The following SATB2 variants were observed in gnomAD, a reference collection of about 807,000 sequenced individuals.
SATB2 encodes SATB homeobox 2.
A neutral mutation model predicts 73.4 loss-of-function variants in SATB2; 1 was observed. That is an observed-to-expected ratio of 0.01 (90% CI 0.00 to 0.06). The LOEUF (loss-of-function observed/expected upper bound fraction) is 0.06. Among genes scored for constraint, SATB2 ranks in the 10% least tolerant of loss-of-function variants. The pLI is 1.00. For missense variants in SATB2, 459 were observed against 945.8 expected (o/e 0.49, Z 6.75); for synonymous variants, 397 against 367.0 (o/e 1.08, Z -0.93).
intron 5 of SATB2, among the ~76,000 whole-genome samples, chr2:199,372,815 G>C (rs902102868): frequency 2.6e-5 from 4 of 152,164 alleles, no homozygotes; most frequent in Non-Finnish European, 4.4e-5. Flanking sequence ...CCTTATACAA[G>C]TTAACTAAGA....
chr2:199,331,162 A>C (rs1688177420), intron 7 of SATB2, among the ~76,000 whole-genome samples: 1 of 151,750 alleles, frequency 6.6e-6, no homozygotes, highest in Middle Eastern at 3.2e-3. Flanking sequence ...ATGTTTGTTC[A>C]TTCTCAATCA....
At chr2:199,429,783 G>A (rs1258731820) in intron 3 of SATB2, among the ~76,000 whole-genome samples, 3 of 152,110 alleles carry the variant, frequency 2.0e-5, no homozygotes, top group East Asian at 1.9e-4. Context: ...GGTGGCAGGC[G>A]CCTGTAATCC....
chr2:199,332,441 A>G (rs1181892920), intron 7 of SATB2, among the ~76,000 whole-genome samples: 2 of 152,126 alleles, frequency 1.3e-5, no homozygotes, highest in East Asian at 3.9e-4. Flanking sequence ...TTCCAGGACC[A>G]CCAAAGAATA....
At chr2:199,391,520 T>A (rs1258533055) in intron 3 of SATB2, among the ~76,000 whole-genome samples, 1 of 152,138 alleles carries the variant, frequency 6.6e-6, no homozygotes, top group Non-Finnish European at 1.5e-5. Flanking sequence ...CAGGGACATT[T>A]TCATATATAT....
At chr2:199,314,744 G>A in intron 9 of SATB2, among the ~76,000 whole-genome samples, 1 of 152,090 alleles carries the variant, frequency 6.6e-6, no homozygotes, top group East Asian at 1.9e-4. Context: ...AGGACTGAAA[G>A]TCTAGAAATG....
At chr2:199,401,561 GA>G (rs1690479152) in intron 3 of SATB2, among the ~76,000 whole-genome samples, 2 of 151,520 alleles carry the variant, frequency 1.3e-5, no homozygotes, top group South Asian at 4.2e-4. Context: ...CAAAAAGAAA[GA>G]AAGAAAATAA....
rs888753282 is a variant in SATB2, at chr2:199,464,738, C to T, written c.-141+98G>A. 13 of 152,256 alleles carry T rather than the reference C, an allele frequency of 8.5e-5. No individual in the cohort carries two copies. The highest frequency in any genetic ancestry group is 3.1e-4 in the African/African-American group (13 of 41,458). 9.4% of individuals were successfully genotyped at this position (152,256 alleles called of 1,614,324 possible). A position where few individuals can be genotyped will look rare whatever the true frequency, so the allele number is the denominator to read the frequency against. On this transcript the variant is annotated intron_variant, in intron 1 of 11. Transcript: ENST00000260926. The surrounding 1 kb of genome is among the most constrained non-coding windows in gnomAD (Gnocchi z 6.6). ...CTACTCCCTTATTATTGGCTGGGAC[C>T]TGTTCCTTTCCAAAGTGTGATGCCC... is the stretch of plus-strand genomic sequence containing the variant.
At chr2:199,331,216 G>T (rs369555409) in intron 7 of SATB2, among the ~76,000 whole-genome samples, 2 of 146,488 alleles carry the variant, frequency 1.4e-5, no homozygotes, top group Admixed American at 6.8e-5. Flanking sequence ...TTTGTTTCTT[G>T]TTTTTTTTTT....
At chr2:199,379,753 C>G (rs1689713904) in intron 5 of SATB2, among the ~76,000 whole-genome samples, 1 of 149,824 alleles carries the variant, frequency 6.7e-6, no homozygotes, top group African/African-American at 2.5e-5. Flanking sequence ...GTCTCGAACT[C>G]CAAGGCTCAA....
At chr2:199,436,233 A>G (rs1349785784) in intron 2 of SATB2, among the ~76,000 whole-genome samples, 2 of 152,240 alleles carry the variant, frequency 1.3e-5, no homozygotes, top group East Asian at 1.9e-4. Context: ...TTAACTGTTC[A>G]GTTAGATATG....
At chr2:199,421,626 C>G (rs184900784) in intron 3 of SATB2, among the ~76,000 whole-genome samples, 1 of 152,106 alleles carries the variant, frequency 6.6e-6, no homozygotes, top group Non-Finnish European at 1.5e-5. Flanking sequence ...GTAACCAACC[C>G]GCACAATACT....
intron 2 of SATB2, among the ~76,000 whole-genome samples, chr2:199,446,340 T>C (rs1283870217): frequency 6.6e-6 from 1 of 152,212 alleles, no homozygotes; most frequent in Non-Finnish European, 1.5e-5. Flanking sequence ...CAAAGCACTA[T>C]TTTGCAATGT....
chr2:199,274,066 C>T (rs1692239672), intron 10 of SATB2, among the ~76,000 whole-genome samples: 2 of 152,238 alleles, frequency 1.3e-5, no homozygotes, highest in Admixed American at 1.3e-4. Flanking sequence ...CAGTGCCTAA[C>T]TTCCTAAATC....
chr2:199,289,393 T>C (rs553831895), intron 10 of SATB2, among the ~76,000 whole-genome samples: 3 of 152,132 alleles, frequency 2.0e-5, no homozygotes, highest in African/African-American at 4.8e-5. Context: ...GCAAAGTAAC[T>C]GGACTAGTAA....
At position 199,455,022 on chromosome 2, in the gene SATB2, GA is replaced by G; in HGVS notation, c.169+846del. ...AACCTGCATGCCATGTGGAATTGTG[GA>G]TTTTACATGTAAAAGACAACTAAGC... On this transcript the variant is annotated intron_variant, in intron 2 of 10. Coordinates refer to ENST00000417098, the MANE Select transcript of SATB2 (RefSeq NM_001172509.2). The surrounding 1 kb of genome is among the most constrained non-coding windows in gnomAD (Gnocchi z 4.1). Among the ~76,000 whole-genome samples, 1 of 152,088 alleles carries G rather than the reference GA, an allele frequency of 6.6e-6. No homozygotes were observed. Among genetic ancestry groups the G allele is most frequent in the Admixed American group, 6.5e-5 (1 of 15,270 alleles).
chr2:199,458,663 C>G (rs1287374838), upstream of SATB2: 2 of 442,370 alleles, frequency 4.5e-6, no homozygotes, highest in African/African-American at 2.1e-5. Context: ...GACCGACGCG[C>G]AAGAGGCGAC....
chr2:199,275,859 C>A (rs1043710449), intron 10 of SATB2, among the ~76,000 whole-genome samples: 1 of 152,116 alleles, frequency 6.6e-6, no homozygotes, highest in Non-Finnish European at 1.5e-5. Flanking sequence ...AACTGTCTTA[C>A]AAGTTAGCAA....
At chr2:199,322,216 T>C (rs535114368) in intron 9 of SATB2, among the ~76,000 whole-genome samples, 7 of 152,348 alleles carry the variant, frequency 4.6e-5, no homozygotes, top group Admixed American at 1.3e-4. Context: ...TGTGTGAAAC[T>C]TTGATATTTA....
chr2:199,319,103 A>AAACT (rs1687815846), intron 9 of SATB2, among the ~76,000 whole-genome samples: 1 of 152,084 alleles, frequency 6.6e-6, no homozygotes, highest in South Asian at 2.1e-4. Context: ...ACTGAAACCC[A>AAACT]ATCACCATGT....
Sources: gnomAD v4.1 joint callset for allele counts (sites outside exome capture counted in the v4.1 genomes callset) on GRCh38, gnomAD v4.1.1 for gene constraint, Gnocchi (gnomAD v3.1) non-coding constraint, MANE v1.5 for transcripts, NCBI Gene and HGNC (gene_info 2026-07-23, HGNC 2026-07-21) for gene names.